MTHFD2L: variants seen among roughly 807,000 people sequenced by gnomAD.
The protein encoded by MTHFD2L is bifunctional methylenetetrahydrofolate dehydrogenase/cyclohydrolase 2, mitochondrial.
In MTHFD2L, 29 loss-of-function variants were observed where a neutral mutation model predicts 34.9. That is an observed-to-expected ratio of 0.83 (90% CI 0.62 to 1.13). The LOEUF (loss-of-function observed/expected upper bound fraction) is 1.13. MTHFD2L is among the 50% of genes most tolerant of loss of function. MTHFD2L has a pLI of 0.00. For missense variants in MTHFD2L, 481 were observed against 446.5 expected (o/e 1.08, Z -0.70); for synonymous variants, 167 against 155.7 (o/e 1.07, Z -0.54).
At chr4:74,235,286 G>C (rs1740685184) in intron 6 of MTHFD2L, among the ~76,000 whole-genome samples, 1 of 152,132 alleles carries the variant, frequency 6.6e-6, no homozygotes, top group African/African-American at 2.4e-5. Flanking sequence ...CACTAATACA[G>C]GAGTAGATGA....
At chr4:74,135,541 T>A (rs1168418164) in intron 1 of MTHFD2L, among the ~76,000 whole-genome samples, 1 of 152,128 alleles carries the variant, frequency 6.6e-6, no homozygotes, top group Admixed American at 6.5e-5. Flanking sequence ...GCTCACGGCC[T>A]GATAACTTCA....
At chr4:74,200,521 A>C (rs1734248637) in intron 4 of MTHFD2L, among the ~76,000 whole-genome samples, 1 of 152,154 alleles carries the variant, frequency 6.6e-6, no homozygotes, top group South Asian at 2.1e-4. Context: ...TACCTTTAAA[A>C]ATATGTTCTG....
intron 6 of MTHFD2L, among the ~76,000 whole-genome samples, chr4:74,260,331 C>A (rs1306509834): frequency 6.6e-6 from 1 of 152,140 alleles, no homozygotes; most frequent in African/African-American, 2.4e-5. Context: ...TATCCACTCT[C>A]AATGCCTTCT....
chr4:74,237,243 C>T (rs898271847), intron 6 of MTHFD2L, among the ~76,000 whole-genome samples: 2 of 152,210 alleles, frequency 1.3e-5, no homozygotes, highest in South Asian at 2.1e-4. Flanking sequence ...TGACCTCCAG[C>T]AGCCAGGACC....
chr4:74,228,888 C>T (rs1739595594), intron 6 of MTHFD2L, among the ~76,000 whole-genome samples: 1 of 152,144 alleles, frequency 6.6e-6, no homozygotes, highest in Non-Finnish European at 1.5e-5. Flanking sequence ...ATTTTCTTAC[C>T]ACCAGAGGGC....
chr4:74,210,753 A>G (rs1417109651), intron 5 of MTHFD2L, among the ~76,000 whole-genome samples: 1 of 152,150 alleles, frequency 6.6e-6, no homozygotes, highest in Non-Finnish European at 1.5e-5. Flanking sequence ...TGGGGATAGC[A>G]TTGACTCTTT....
At chr4:74,274,339 C>A (rs923757961) in intron 6 of MTHFD2L, among the ~76,000 whole-genome samples, 2 of 152,092 alleles carry the variant, frequency 1.3e-5, no homozygotes, top group Non-Finnish European at 2.9e-5. Flanking sequence ...TTAAAAAGGG[C>A]TTCTTATTCA....
At chr4:74,238,644 A>G (rs1298250897) in intron 6 of MTHFD2L, among the ~76,000 whole-genome samples, 1 of 152,244 alleles carries the variant, frequency 6.6e-6, no homozygotes, top group African/African-American at 2.4e-5. Context: ...CAAAGTTACA[A>G]GAAAAAAACA....
chr4:74,143,091 C>T (rs1386537431), intron 1 of MTHFD2L, among the ~76,000 whole-genome samples: 1 of 150,250 alleles, frequency 6.7e-6, no homozygotes, highest in Non-Finnish European at 1.5e-5. Context: ...GATGTCCACA[C>T]TGTCTATATA....
Position 74,197,596 on chromosome 4 carries a change from T to C in MTHFD2L, c.452-2198T>C, listed in dbSNP as rs796532556. Reference sequence around the variant, plus strand: ...TATTTAAAATGATTAATATTTATTATGACTTCTGTATGATACAAAAGGAAA... The same window carrying C: ...TATTTAAAATGATTAATATTTATTACGACTTCTGTATGATACAAAAGGAAA... On this transcript the variant is annotated intron_variant, in intron 3 of 7. Transcript: ENST00000325278. 2.0e-5 allele frequency among the ~76,000 whole-genome samples: 3 copies of C among 152,144 alleles called. No homozygotes were observed. In the South Asian group the frequency reaches 6.2e-4, roughly 31 times the overall value.
intron 1 of MTHFD2L, among the ~76,000 whole-genome samples, chr4:74,167,560 C>A (rs1430231324): frequency 6.6e-6 from 1 of 152,106 alleles, no homozygotes; most frequent in African/African-American, 2.4e-5. Context: ...ACAGCAGATT[C>A]CCAGGGTACA....
At chr4:74,264,741 A>T (rs1745085154) in intron 6 of MTHFD2L, among the ~76,000 whole-genome samples, 1 of 151,968 alleles carries the variant, frequency 6.6e-6, no homozygotes, top group Non-Finnish European at 1.5e-5. Context: ...AGTGCTTATT[A>T]TTGGTTGAGT....
intron 6 of MTHFD2L, among the ~76,000 whole-genome samples, chr4:74,256,188 C>A (rs1744005911): frequency 1.3e-5 from 2 of 152,146 alleles, no homozygotes; most frequent in South Asian, 2.1e-4. Context: ...TCATAATAGC[C>A]ATTCTGTCTG....
intron 6 of MTHFD2L, among the ~76,000 whole-genome samples, chr4:74,254,671 G>T (rs1490761069): frequency 6.6e-6 from 1 of 151,016 alleles, no homozygotes; most frequent in East Asian, 1.9e-4. Context: ...AAGTTGAAAT[G>T]AAAGTATACT....
intron 5 of MTHFD2L, among the ~76,000 whole-genome samples, chr4:74,209,261 T>G (rs1735881363): frequency 6.6e-6 from 1 of 152,162 alleles, no homozygotes; most frequent in Non-Finnish European, 1.5e-5. Context: ...GTTACATAGG[T>G]ATACATGGGC....
rs77737974 is a variant in MTHFD2L, at chr4:74,255,351, A to G, written c.806-26074A>G. Among the ~76,000 whole-genome samples the G allele has an allele frequency of 2.3e-3, 357 of 152,218 alleles. 3 individuals carry two copies. In the East Asian group the frequency reaches 0.025, roughly 11 times the overall value. The stretch of plus-strand genomic sequence containing the variant: ...TCATGGTAACCACAAAGAAAAAAAC[A>G]TGTAGTAAGTAGATATATAAAAGTT... On this transcript the variant is annotated intron_variant, in intron 6 of 7. Coordinates refer to ENST00000325278, the MANE Select transcript of MTHFD2L (RefSeq NM_001144978.3).
intron 3 of MTHFD2L, among the ~76,000 whole-genome samples, chr4:74,185,464 GAAAT>G (rs1170286433): frequency 6.6e-6 from 1 of 151,812 alleles, no homozygotes; most frequent in African/African-American, 2.4e-5. Flanking sequence ...AACAAAAAAA[GAAAT>G]AATAAAGAAC....
chr4:74,149,462 G>C (rs1304173629), intron 1 of MTHFD2L, among the ~76,000 whole-genome samples: 1 of 152,152 alleles, frequency 6.6e-6, no homozygotes, highest in East Asian at 1.9e-4. Context: ...TGGAAACACG[G>C]AGTAAAAGGG....
upstream of MTHFD2L, chr4:74,157,444 A>G (rs1158099774): frequency 2.0e-5 from 7 of 355,262 alleles, no homozygotes; most frequent in Non-Finnish European, 2.8e-5. Context: ...GAGGGAGCAG[A>G]TATTTTGCTT....
Sources: gnomAD v4.1 joint callset for allele counts (sites outside exome capture counted in the v4.1 genomes callset) on GRCh38, gnomAD v4.1.1 for gene constraint, MANE v1.5 for transcripts, NCBI Gene and HGNC (gene_info 2026-07-23, HGNC 2026-07-21) for gene names.